The following IGSF21 variants were observed in gnomAD, a reference collection of about 807,000 sequenced individuals.
IGSF21 encodes immunoglobin superfamily member 21.
Under a neutral mutation model 46.8 loss-of-function variants are expected in IGSF21, and 28 were observed. That is an observed-to-expected ratio of 0.60 (90% CI 0.44 to 0.82). The LOEUF (loss-of-function observed/expected upper bound fraction) is 0.82, where lower values mean the gene tolerates loss of function less well. Among genes scored for constraint, IGSF21 ranks in the 40% least tolerant of loss-of-function variants. IGSF21 has a pLI of 0.00. For synonymous variants in IGSF21, 284 were observed against 273.6 expected, an observed-to-expected ratio of 1.04 and a Z score of -0.38; for missense variants, 624 against 665.5, an observed-to-expected ratio of 0.94 and a Z score of 0.69.
intron 1 of IGSF21, among the ~76,000 whole-genome samples, chr1:18,146,832 T>C (rs893566673): frequency 6.6e-6 from 1 of 152,146 alleles, no homozygotes; most frequent in Non-Finnish European, 1.5e-5. Context: ...GCACCCCTGA[T>C]ATGTAGATGA....
intron 1 of IGSF21, among the ~76,000 whole-genome samples, chr1:18,134,865 A>G (rs2086354792): frequency 6.6e-6 from 1 of 152,186 alleles, no homozygotes; most frequent in African/African-American, 2.4e-5. Context: ...GAAATCCTAC[A>G]TAGGGTTCCA....
chr1:18,278,594 C>T (rs546668199), intron 2 of IGSF21, among the ~76,000 whole-genome samples: 2 of 150,924 alleles, frequency 1.3e-5, no homozygotes, highest in African/African-American at 2.4e-5. Flanking sequence ...TGTCCTGTCA[C>T]CCAGGCTGGA....
At position 18,335,798 on chromosome 1, in the gene IGSF21, G is replaced by A. The variant is rs2085760174; in HGVS notation, c.424+788G>A. On this transcript the variant is annotated intron_variant, in intron 4 of 9. Coordinates refer to ENST00000251296, the MANE Select transcript of IGSF21 (RefSeq NM_032880.5). This position sits in a 1 kb window ranked among gnomAD's most constrained non-coding sequence, Gnocchi z 4.8. ...CATAAAGGCCCTGCTGAAAGCCGCC[G>A]CTTCTGGGGAAATTGAAAACCTCCA... 1.3e-5 allele frequency among the ~76,000 whole-genome samples: 2 copies of A among 152,194 alleles called. No homozygotes were observed. The highest frequency in any genetic ancestry group is 2.4e-5 in the African/African-American group (1 of 41,448).
chr1:18,224,630 T>C (rs1031008928), intron 1 of IGSF21, among the ~76,000 whole-genome samples: 1 of 152,144 alleles, frequency 6.6e-6, no homozygotes, highest in Non-Finnish European at 1.5e-5. Flanking sequence ...TGGTACGGAA[T>C]AGATTCTCAA....
chr1:18,198,235 C>T (rs1419965498), intron 1 of IGSF21, among the ~76,000 whole-genome samples: 1 of 152,190 alleles, frequency 6.6e-6, no homozygotes, highest in African/African-American at 2.4e-5. Context: ...AGAGTAAGAG[C>T]CCACTGGAGA....
At chr1:18,119,763 T>A (rs201734298) in intron 1 of IGSF21, among the ~76,000 whole-genome samples, 1 of 994 alleles carries the variant, frequency 1.0e-3, no homozygotes, top group Non-Finnish European at 0.12. Flanking sequence ...ATAACGGTGT[T>A]TTTTTTTTTT....
chr1:18,315,727 G>T (rs886176265), intron 3 of IGSF21, among the ~76,000 whole-genome samples: 1 of 152,002 alleles, frequency 6.6e-6, no homozygotes, highest in African/African-American at 2.4e-5. Flanking sequence ...GGTGTGGATG[G>T]ATAGATGGCT....
At chr1:18,205,696 C>T (rs146105907) in intron 1 of IGSF21, among the ~76,000 whole-genome samples, 4 of 152,270 alleles carry the variant, frequency 2.6e-5, no homozygotes, top group African/African-American at 9.6e-5. Flanking sequence ...GGAGGACTGA[C>T]TCAAGGTGGG....
rs546983080 is a variant in IGSF21 at position 18,234,390 on chromosome 1, A to G, written c.183+6380A>G. On this transcript the variant is annotated intron_variant, in intron 2 of 9. Coordinates refer to ENST00000251296, the MANE Select transcript of IGSF21 (RefSeq NM_032880.5). ...AAGGCAGCCAGAGAGGGCCCACCAA[A>G]CAATAGTTGATTTTACAACAAATGT... 9.2e-5 allele frequency among the ~76,000 whole-genome samples: 14 copies of G among 152,338 alleles called. 2 individuals are homozygous for G. The highest frequency in any genetic ancestry group is 3.4e-4 in the African/African-American group (14 of 41,582).
intron 3 of IGSF21, among the ~76,000 whole-genome samples, chr1:18,294,953 G>A (rs539784875): frequency 1.3e-5 from 2 of 152,254 alleles, no homozygotes; most frequent in African/African-American, 2.4e-5. Flanking sequence ...GCATCTCAAC[G>A]AGAGAGAGTC....
At chr1:18,192,129 G>A (rs9727963) in intron 1 of IGSF21, among the ~76,000 whole-genome samples, 6 of 152,296 alleles carry the variant, frequency 3.9e-5, no homozygotes, top group South Asian at 4.1e-4. Context: ...GACTCTTGGC[G>A]CTGCATTTAC....
intron 1 of IGSF21, among the ~76,000 whole-genome samples, chr1:18,204,677 G>A (rs1292062484): frequency 6.6e-6 from 1 of 152,138 alleles, no homozygotes; most frequent in Non-Finnish European, 1.5e-5. Flanking sequence ...GATCTCCCTT[G>A]GAGCATGACA....
intron 1 of IGSF21, among the ~76,000 whole-genome samples, chr1:18,189,846 G>A (rs1273251388): frequency 6.6e-6 from 1 of 152,190 alleles, no homozygotes; most frequent in African/African-American, 2.4e-5. Flanking sequence ...CCATGGGCTG[G>A]TACCGGATTT....
chr1:18,156,024 GTAAA>G (rs1447426122), intron 1 of IGSF21, among the ~76,000 whole-genome samples: 8 of 152,262 alleles, frequency 5.3e-5, no homozygotes, highest in South Asian at 2.1e-4. Context: ...GGCAGCCTGT[GTAAA>G]TAGTTACCCA....
chr1:18,149,208 A>C (rs2086498882), intron 1 of IGSF21, among the ~76,000 whole-genome samples: 2 of 152,056 alleles, frequency 1.3e-5, no homozygotes, highest in Non-Finnish European at 2.9e-5. Context: ...ATGCTGGGAC[A>C]TGGGCCAGCA....
At chr1:18,236,507 T>C (rs935880119) in intron 2 of IGSF21, among the ~76,000 whole-genome samples, 3 of 152,116 alleles carry the variant, frequency 2.0e-5, no homozygotes, top group Admixed American at 6.5e-5. Context: ...AAGCTGGGAG[T>C]GCCTCTAAGA....
At chr1:18,141,882 A>C (rs1484945125) in intron 1 of IGSF21, among the ~76,000 whole-genome samples, 1 of 152,094 alleles carries the variant, frequency 6.6e-6, no homozygotes, top group Non-Finnish European at 1.5e-5. Flanking sequence ...CAGCCTGGGC[A>C]CCATAGCAAG....
intron 2 of IGSF21, among the ~76,000 whole-genome samples, chr1:18,262,253 T>A (rs2084953560): frequency 6.6e-6 from 1 of 152,152 alleles, no homozygotes; most frequent in African/African-American, 2.4e-5. Context: ...CTGTCCTTGT[T>A]GAGGGCTGCT....
chr1:18,129,953 T>C (rs550287596), intron 1 of IGSF21, among the ~76,000 whole-genome samples: 43 of 152,262 alleles, frequency 2.8e-4, no homozygotes, highest in African/African-American at 1.0e-3. Flanking sequence ...TCTCCATCTT[T>C]CCAGCCTCCA....
Sources: allele counts gnomAD v4.1 joint callset (sites outside exome capture counted in the v4.1 genomes callset), GRCh38; gene constraint gnomAD v4.1.1; non-coding constraint Gnocchi (gnomAD v3.1); transcripts MANE v1.5; gene names NCBI Gene and HGNC (gene_info 2026-07-23, HGNC 2026-07-21).